The following CREB3L2 variants were observed in gnomAD, a reference collection of about 807,000 sequenced individuals.
The protein encoded by CREB3L2 is cyclic AMP-responsive element-binding protein 3-like protein 2.
In CREB3L2, 23 loss-of-function variants were observed where a neutral mutation model predicts 57.2. The ratio of observed to expected loss-of-function variants is 0.40; its 90% CI spans 0.29 to 0.57. The LOEUF (loss-of-function observed/expected upper bound fraction) is 0.57, where lower values mean the gene tolerates loss of function less well. Ranked by LOEUF, CREB3L2 falls within the 20% of genes least tolerant of loss-of-function variation. The pLI is 0.42. For synonymous variants in CREB3L2, 268 were observed against 265.1 expected (o/e 1.01, Z -0.11); for missense variants, 628 against 634.7 (o/e 0.99, Z 0.11).
chr7:137,904,088 G>T, intron 6 of CREB3L2, 71 bp from the exon 7 acceptor site: 2 of 1,297,592 alleles, frequency 1.5e-6, no homozygotes, highest in Non-Finnish European at 2.2e-6. Flanking sequence ...GATGGGAGGT[G>T]GTTAGCGTAG....
chr7:137,980,087 A>G lies in CREB3L2; in HGVS notation c.102+21517T>C, dbSNP rs186567710. Among the ~76,000 whole-genome samples, 49 of 152,346 alleles carry G rather than the reference A, an allele frequency of 3.2e-4. No homozygotes were observed. Among genetic ancestry groups the G allele is most frequent in the African/African-American group, 1.1e-3 (44 of 41,574 alleles). ...TGGGGATCTTCAGATTATAATTCAGAAAGTCTAGAGTAGGGCCTGAGATTC... is the reference window on the plus strand; with the variant it reads ...TGGGGATCTTCAGATTATAATTCAGGAAGTCTAGAGTAGGGCCTGAGATTC... On this transcript the variant is annotated intron_variant, in intron 1 of 11. Coordinates refer to ENST00000330387, the MANE Select transcript of CREB3L2 (RefSeq NM_194071.4). This position sits in a 1 kb window ranked among gnomAD's most constrained non-coding sequence, Gnocchi z 4.3.
chr7:137,928,480 C>G, intron 1 of CREB3L2, 114 bp from the exon 2 acceptor site: 1 of 808,288 alleles, frequency 1.2e-6, no homozygotes, highest in Non-Finnish European at 2.1e-6. Context: ...CTTCTACACA[C>G]ACAATGTCCA....
At chr7:137,897,980 C>A (rs1049797352) in intron 8 of CREB3L2, among the ~76,000 whole-genome samples, 42 of 151,974 alleles carry the variant, frequency 2.8e-4, no homozygotes, top group African/African-American at 9.7e-4. Flanking sequence ...AGGCAGCCCA[C>A]GGATTGGGAG....
intron 8 of CREB3L2, among the ~76,000 whole-genome samples, chr7:137,900,694 C>T (rs1799733945): frequency 6.6e-6 from 1 of 151,746 alleles, no homozygotes; most frequent in Non-Finnish European, 1.5e-5. Flanking sequence ...GTCCCAGCTG[C>T]TCAGGAGGCT....
intron 1 of CREB3L2, among the ~76,000 whole-genome samples, chr7:137,968,817 C>T (rs1801452569): frequency 6.6e-6 from 1 of 152,040 alleles, no homozygotes; most frequent in African/African-American, 2.4e-5. Flanking sequence ...TTTGGTGGCT[C>T]CCACCTTCAA....
At chr7:137,899,664 C>T (rs1054119157) in intron 8 of CREB3L2, among the ~76,000 whole-genome samples, 1 of 152,206 alleles carries the variant, frequency 6.6e-6, no homozygotes, top group Non-Finnish European at 1.5e-5. Context: ...AAGGTAATGC[C>T]ACACTAAGTT....
rs2117167223 is a variant in CREB3L2, at chr7:137,878,930, A to G, written c.*1546T>C. ...GTGTGTGGGGGTGGGTGGTGGGGGGAGAGAGAGAAGGAGAGACAGAGAGAG... is the reference window on the plus strand; with the variant it reads ...GTGTGTGGGGGTGGGTGGTGGGGGGGGAGAGAGAAGGAGAGACAGAGAGAG... On this transcript the variant is annotated 3_prime_UTR_variant, in exon 12 of 12. Transcript: ENST00000330387. 5.1e-6 allele frequency: 2 copies of G among 394,064 alleles called. No homozygotes were observed. The highest frequency in any genetic ancestry group is 4.6e-5 in the East Asian group (1 of 21,824). 24.4% of individuals were successfully genotyped at this position (394,064 alleles called of 1,614,324 possible). A position where few individuals can be genotyped will look rare whatever the true frequency, so the allele number is the denominator to read the frequency against.
At chr7:137,951,446 A>G (rs1355948448) in intron 1 of CREB3L2, among the ~76,000 whole-genome samples, 1 of 152,252 alleles carries the variant, frequency 6.6e-6, no homozygotes, top group African/African-American at 2.4e-5. Flanking sequence ...AAATGTAATC[A>G]GACACCCGCA....
chr7:137,971,407 G>A (rs960930557), intron 1 of CREB3L2, among the ~76,000 whole-genome samples: 10 of 150,412 alleles, frequency 6.6e-5, no homozygotes, highest in South Asian at 2.1e-4. Flanking sequence ...CCGAGATCGC[G>A]CCATTGCACT....
intron 1 of CREB3L2, among the ~76,000 whole-genome samples, chr7:137,996,471 A>C (rs778997447): frequency 3.9e-5 from 6 of 152,250 alleles, no homozygotes; most frequent in Admixed American, 6.5e-5. Flanking sequence ...ATAAGTAATA[A>C]CATTCTCAGC....
chr7:137,977,598 T>C (rs1280798157), intron 1 of CREB3L2, among the ~76,000 whole-genome samples: 1 of 152,098 alleles, frequency 6.6e-6, no homozygotes, highest in Non-Finnish European at 1.5e-5. Flanking sequence ...TAGATAACCA[T>C]ATGTAACCAC....
intron 2 of CREB3L2, among the ~76,000 whole-genome samples, chr7:137,919,830 G>A (rs1800231020): frequency 6.6e-6 from 1 of 152,138 alleles, no homozygotes. Context: ...AACTATTAAA[G>A]AAGAAAGTGA....
At chr7:137,986,233 G>C (rs1045560021) in intron 1 of CREB3L2, among the ~76,000 whole-genome samples, 4 of 152,232 alleles carry the variant, frequency 2.6e-5, no homozygotes, top group Non-Finnish European at 5.9e-5. Flanking sequence ...CATGCGCACA[G>C]CACTGTTCTG....
chr7:137,973,437 A>G (rs181368173), intron 1 of CREB3L2, among the ~76,000 whole-genome samples: 154 of 152,284 alleles, frequency 1.0e-3, no homozygotes, highest in Middle Eastern at 3.4e-3. Context: ...CTTTGAACAC[A>G]ATGGAGAGGC....
At chr7:137,940,445 A>G (rs1194649274) in intron 1 of CREB3L2, among the ~76,000 whole-genome samples, 1 of 152,246 alleles carries the variant, frequency 6.6e-6, no homozygotes, top group African/African-American at 2.4e-5. Context: ...AAGCTTGAGG[A>G]AACACTGGAT....
At position 137,880,204 on chromosome 7, in the gene CREB3L2, T is replaced by C. The variant is rs1035404759; in HGVS notation, c.*272A>G. The C allele has an allele frequency of 3.1e-5, 15 of 490,186 alleles. No individual in the cohort carries two copies. The highest frequency in any genetic ancestry group is 6.8e-5 in the Admixed American group (2 of 29,222). 30.4% of individuals were successfully genotyped at this position (490,186 alleles called of 1,614,324 possible). ...CACTATTGGTGGAAACAAGCCTGCTTGTCCCACCTCCAACCCCTAAAATAA... is the reference window on the plus strand; with the variant it reads ...CACTATTGGTGGAAACAAGCCTGCTCGTCCCACCTCCAACCCCTAAAATAA... On this transcript the variant is annotated 3_prime_UTR_variant, in exon 12 of 12. Coordinates refer to ENST00000330387, the MANE Select transcript of CREB3L2 (RefSeq NM_194071.4). This position sits in a 1 kb window ranked among gnomAD's most constrained non-coding sequence, Gnocchi z 4.0.
chr7:137,977,733 C>G (rs1371122526), intron 1 of CREB3L2, among the ~76,000 whole-genome samples: 1 of 152,040 alleles, frequency 6.6e-6, no homozygotes. Flanking sequence ...CCAGCCTGGT[C>G]AATATGATGA....
chr7:137,999,015 A>G (rs552455745), intron 1 of CREB3L2, among the ~76,000 whole-genome samples: 1 of 152,224 alleles, frequency 6.6e-6, no homozygotes, highest in South Asian at 2.1e-4. Context: ...GTTTTATGAA[A>G]TCATTCCAAA....
At chr7:137,998,460 C>T (rs1802026028) in intron 1 of CREB3L2, among the ~76,000 whole-genome samples, 2 of 152,196 alleles carry the variant, frequency 1.3e-5, no homozygotes, top group Admixed American at 1.3e-4. Context: ...ATATTCCAAT[C>T]ACTCTCTCCC....
Sources: gnomAD v4.1 joint callset for allele counts (sites outside exome capture counted in the v4.1 genomes callset) on GRCh38, gnomAD v4.1.1 for gene constraint, Gnocchi (gnomAD v3.1) non-coding constraint, MANE v1.5 for transcripts, NCBI Gene and HGNC (gene_info 2026-07-23, HGNC 2026-07-21) for gene names.